Variants in GMDS observed in about 807,000 individuals in gnomAD.
GMDS encodes GDP-mannose 4,6 dehydratase.
In GMDS, 20 loss-of-function variants were observed where a neutral mutation model predicts 49.9. That is an observed-to-expected ratio of 0.40 (90% CI 0.28 to 0.58). The LOEUF (loss-of-function observed/expected upper bound fraction) is 0.58, where lower values mean the gene tolerates loss of function less well. Ranked by LOEUF, GMDS falls within the 20% of genes least tolerant of loss-of-function variation. The pLI, the probability that GMDS is intolerant of heterozygous loss-of-function variation, is 0.42. For missense variants in GMDS, 362 were observed against 481.4 expected, an observed-to-expected ratio of 0.75 and a Z score of 2.32; for synonymous variants, 177 against 178.6, an observed-to-expected ratio of 0.99 and a Z score of 0.07.
At chr6:1,648,298 A>T (rs1440624698) in intron 9 of GMDS, among the ~76,000 whole-genome samples, 1 of 152,202 alleles carries the variant, frequency 6.6e-6, no homozygotes, top group Non-Finnish European at 1.5e-5. Flanking sequence ...GATACATTTC[A>T]TGTTTCCAAT....
intron 9 of GMDS, among the ~76,000 whole-genome samples, chr6:1,708,168 T>C (rs1161049016): frequency 6.6e-6 from 1 of 152,164 alleles, no homozygotes; most frequent in Non-Finnish European, 1.5e-5. Flanking sequence ...CTGAGGGCCA[T>C]AAAGAATCAG....
intron 4 of GMDS, among the ~76,000 whole-genome samples, chr6:2,073,044 T>G (rs1772106355): frequency 6.6e-6 from 1 of 152,232 alleles, no homozygotes; most frequent in East Asian, 1.9e-4. Context: ...CTAATGGTTC[T>G]GTTTCCACCA....
At chr6:2,083,914 T>G (rs949169502) in intron 4 of GMDS, among the ~76,000 whole-genome samples, 17 of 152,108 alleles carry the variant, frequency 1.1e-4, no homozygotes, top group African/African-American at 3.9e-4. Context: ...TTATTCAACT[T>G]GAATAAGAAG....
intron 6 of GMDS, among the ~76,000 whole-genome samples, chr6:1,934,473 C>T (rs992678769): frequency 1.2e-4 from 19 of 152,286 alleles, no homozygotes; most frequent in African/African-American, 4.6e-4. Context: ...GGAGGCTATG[C>T]CCATGCTAAC....
chr6:1,814,624 T>G (rs897152894), intron 7 of GMDS, among the ~76,000 whole-genome samples: 1 of 152,202 alleles, frequency 6.6e-6, no homozygotes, highest in Non-Finnish European at 1.5e-5. Context: ...TCTGAAGGTA[T>G]TTTGTGTTTT....
At chr6:1,840,480 G>T (rs1301273305) in intron 7 of GMDS, among the ~76,000 whole-genome samples, 1 of 152,218 alleles carries the variant, frequency 6.6e-6, no homozygotes, top group Admixed American at 6.5e-5. Flanking sequence ...AATGTTACTG[G>T]AAGTGAGAGA....
intron 1 of GMDS, among the ~76,000 whole-genome samples, chr6:2,129,994 C>T (rs1562082549): frequency 6.6e-6 from 1 of 152,122 alleles, no homozygotes; most frequent in Non-Finnish European, 1.5e-5. Flanking sequence ...GTTTATTGTA[C>T]AGTCACAGTT....
At chr6:1,894,995 C>A (rs778586417) in intron 7 of GMDS, among the ~76,000 whole-genome samples, 3 of 152,090 alleles carry the variant, frequency 2.0e-5, no homozygotes, top group Admixed American at 6.5e-5. Context: ...ATTTATCAAC[C>A]GGTTGGATAT....
intron 7 of GMDS, among the ~76,000 whole-genome samples, chr6:1,905,610 A>T (rs1389287302): frequency 8.5e-6 from 1 of 117,948 alleles, no homozygotes; most frequent in Non-Finnish European, 1.7e-5. Context: ...TGTAGGTGGG[A>T]CCTCAAAGGT....
At position 1,930,118 on chromosome 6, in the gene GMDS, G is replaced by C. The variant is rs138259429; in HGVS notation, c.756C>G (p.Ala252=). Residue 252 remains alanine (A), a synonymous_variant, in exon 7 of 11, where the codon GCC becomes GCG. Transcript: ENST00000380815. The stretch of plus-strand genomic sequence containing the variant: ...CAGTTCCTACCTCCACATAGTCCTT[G>C]GCATGGCCCCAATCTCGTTTGGCAT... The part of the protein sequence containing the change: ...NLDAKRDWGH[A]KDYVEAMWLM... The C allele has an allele frequency of 3.7e-6, 6 of 1,612,218 alleles. No individual in the cohort carries two copies. In the African/African-American group the frequency reaches 6.7e-5, roughly 18 times the overall value.
intron 6 of GMDS, among the ~76,000 whole-genome samples, chr6:1,950,578 G>T (rs561548113): frequency 6.6e-6 from 1 of 152,154 alleles, no homozygotes; most frequent in African/African-American, 2.4e-5. Context: ...ATTTGAATCC[G>T]AATGTTTTCT....
chr6:1,797,642 A>G lies in GMDS; in HGVS notation c.772-55056T>C, dbSNP rs1246019289. ...ATCCTATGAGGTAAGTATGAATATT[A>G]TCTTCATTTTACATAGAGAGAAACT... On this transcript the variant is annotated intron_variant, in intron 7 of 10. Coordinates refer to ENST00000380815, the MANE Select transcript of GMDS (RefSeq NM_001500.4). Among the ~76,000 whole-genome samples, 3 of 152,276 alleles carry G rather than the reference A, an allele frequency of 2.0e-5. No homozygotes were observed. The East Asian group carries it at 5.8e-4, about 29-fold the overall frequency.
rs190140605 is a variant in GMDS at position 1,976,824 on chromosome 6, T to C, written c.346-15858A>G. On this transcript the variant is annotated intron_variant, in intron 4 of 10. Coordinates refer to ENST00000380815, the MANE Select transcript of GMDS (RefSeq NM_001500.4). ...GAATGCTGTGTTTTCAACTTTTTCA[T>C]ATTTAAATTGCTGTGCAATACAGTA... 1.4e-3 allele frequency among the ~76,000 whole-genome samples: 209 copies of C among 152,356 alleles called. 1 individual carries two copies. The highest frequency in any genetic ancestry group is 4.9e-3 in the African/African-American group (202 of 41,580).
chr6:1,910,530 T>A (rs904724471), intron 7 of GMDS, among the ~76,000 whole-genome samples: 1 of 152,116 alleles, frequency 6.6e-6, no homozygotes, highest in Non-Finnish European at 1.5e-5. Context: ...TTCTAAATCT[T>A]AACCTGTGTT....
intron 7 of GMDS, among the ~76,000 whole-genome samples, chr6:1,845,242 T>C (rs1257498780): frequency 1.3e-5 from 2 of 152,236 alleles, no homozygotes; most frequent in African/African-American, 4.8e-5. Flanking sequence ...AAGTGACTTA[T>C]ATAAGGTCAC....
At chr6:1,779,441 C>G (rs1768983639) in intron 7 of GMDS, among the ~76,000 whole-genome samples, 1 of 152,162 alleles carries the variant, frequency 6.6e-6, no homozygotes, top group South Asian at 2.1e-4. Flanking sequence ...ACTGCCACCA[C>G]AGATAAAGGT....
At chr6:1,653,009 C>T (rs1001159269) in intron 9 of GMDS, among the ~76,000 whole-genome samples, 4 of 151,388 alleles carry the variant, frequency 2.6e-5, no homozygotes, top group Non-Finnish European at 4.4e-5. Context: ...CCCAGGTCTC[C>T]GACCCACTAG....
chr6:1,874,920 C>T (rs551623187), intron 7 of GMDS, among the ~76,000 whole-genome samples: 1 of 152,166 alleles, frequency 6.6e-6, no homozygotes, highest in Non-Finnish European at 1.5e-5. Context: ...GAAGAAAAAA[C>T]CCCAATGTTT....
intron 4 of GMDS, among the ~76,000 whole-genome samples, chr6:1,989,682 C>G (rs1228412248): frequency 2.6e-5 from 4 of 152,214 alleles, no homozygotes; most frequent in Non-Finnish European, 4.4e-5. Flanking sequence ...GACTGGTACA[C>G]TCCCTTCCAA....
Sources: allele counts gnomAD v4.1 joint callset (sites outside exome capture counted in the v4.1 genomes callset), GRCh38; gene constraint gnomAD v4.1.1; transcripts MANE v1.5; gene names NCBI Gene and HGNC (gene_info 2026-07-23, HGNC 2026-07-21).